PSG7: variants seen among roughly 807,000 people sequenced by gnomAD.
The protein encoded by PSG7 is pregnancy specific beta-1-glycoprotein 7.
PSG7 carries 57 observed loss-of-function variants against 45.6 expected under a neutral mutation model. The observed-to-expected ratio is 1.25, with a 90% CI of 1.01 to 1.56. The LOEUF (loss-of-function observed/expected upper bound fraction) is 1.56. Among genes scored for constraint, PSG7 ranks in the 40% most tolerant of loss-of-function variants. The pLI, the probability that PSG7 is intolerant of heterozygous loss-of-function variation, is 0.00. For synonymous variants in PSG7, 298 were observed against 194.4 expected (o/e 1.53, Z -4.43); for missense variants, 796 against 508.4 (o/e 1.57, Z -5.44).
chr19:42,930,429 C>T (rs1972995155), intron 2 of PSG7, among the ~76,000 whole-genome samples: 1 of 151,620 alleles, frequency 6.6e-6, no homozygotes, highest in Non-Finnish European at 1.5e-5. Flanking sequence ...AGGTTTGGCC[C>T]AAGACCATGT....
At chr19:42,936,132 A>G (rs931647075) in intron 1 of PSG7, 13 of 230,902 alleles carry the variant, frequency 5.6e-5, no homozygotes, top group African/African-American at 2.3e-4. Context: ...CTTTCCTGAC[A>G]CCTCCTTCAG....
At position 42,935,673 on chromosome 19, in the gene PSG7, A is replaced by C; in HGVS notation, c.161T>G (p.Leu54Arg). 1.9e-6 allele frequency: 3 copies of C among 1,612,138 alleles called. No individual in the cohort carries two copies. The highest frequency in any genetic ancestry group is 1.3e-5 in the African/African-American group (1 of 74,650). ...KVSEGKDVLL[L>R]VHNLPQNLTG... ...AAGATTCTGGGGCAAATTGTGGACAAGTAGAAGAACATCCTTCCCCTCGGA... is the reference window on the plus strand; with the variant it reads ...AAGATTCTGGGGCAAATTGTGGACACGTAGAAGAACATCCTTCCCCTCGGA... The change falls in exon 2 of 6, where the codon CTT (leucine) becomes CGT (arginine). Residue 54 changes from leucine (L) to arginine (R), a missense_variant. Physicochemically the swap from Leu to Arg is moderately radical, Grantham distance 102. Coordinates refer to ENST00000406070, the MANE Select transcript of PSG7 (RefSeq NM_002783.3).
chr19:42,929,797 G>A lies in PSG7; in HGVS notation c.431-77C>T. The A allele has an allele frequency of 1.0e-5, 16 of 1,542,490 alleles. 2 individuals carry two copies. In the South Asian group the frequency reaches 1.5e-4, roughly 15 times the overall value. ...CAAAGGCATTTTTCAATCAGAGTTG[G>A]CATTTCCAACCTCTCAGCCCACCCA... On this transcript the variant is annotated intron_variant, in intron 2 of 5. Transcript: ENST00000406070.
chr19:42,935,887 C>CACACAA, intron 1 of PSG7, 118 bp from the exon 2 acceptor site: 1 of 1,186,884 alleles, frequency 8.4e-7, no homozygotes, highest in Non-Finnish European at 1.2e-6. Flanking sequence ...CACACACACA[C>CACACAA]ACACACACAC....
chr19:42,934,020 A>C (rs896595128), intron 2 of PSG7, among the ~76,000 whole-genome samples: 3 of 151,314 alleles, frequency 2.0e-5, no homozygotes, highest in African/African-American at 7.3e-5. Context: ...TTCTGCATTC[A>C]ATTCCTTTAT....
chr19:42,926,819 A>T, intron 3 of PSG7, 103 bp from the exon 4 acceptor site: 1 of 1,533,162 alleles, frequency 6.5e-7, no homozygotes, highest in East Asian at 2.3e-5. Flanking sequence ...AACACGTGTG[A>T]GTCCTTGAAA....
chr19:42,935,873 GACACACACACACACACACAC>G, intron 1 of PSG7, 104 bp from the exon 2 acceptor site: 29 of 729,460 alleles, frequency 4.0e-5, no homozygotes, highest in African/African-American at 2.7e-4. Context: ...CAGCCTTGAA[GACACACACACACACACACAC>G]ACACACACAC....
chr19:42,926,310 C>G, intron 4 of PSG7, 128 bp downstream of exon 4: 1 of 1,527,866 alleles, frequency 6.5e-7, no homozygotes, highest in African/African-American at 1.4e-5. Flanking sequence ...ATGGCCAGCT[C>G]GGATGTCCAG....
chr19:42,928,307 T>TA (rs1488023742), intron 3 of PSG7, among the ~76,000 whole-genome samples: 5 of 151,742 alleles, frequency 3.3e-5, no homozygotes, highest in East Asian at 1.9e-4. Context: ...CAGAGTTTTC[T>TA]AATTCTGCAA....
chr19:42,932,386 G>A (rs1229900223), intron 2 of PSG7, among the ~76,000 whole-genome samples: 8 of 151,476 alleles, frequency 5.3e-5, no homozygotes, highest in Admixed American at 1.3e-4. Flanking sequence ...TGTTAGAACC[G>A]AGTGACAAAT....
chr19:42,935,915 A>ACAG (rs1568461441), intron 1 of PSG7, 146 bp from the exon 2 acceptor site: 3 of 322,648 alleles, frequency 9.3e-6, no homozygotes, highest in South Asian at 7.5e-5. Context: ...CACACACACA[A>ACAG]ACACACACAC....
At chr19:42,929,782 T>C in intron 2 of PSG7, 62 bp from the exon 3 acceptor site, 6 of 1,563,024 alleles carry the variant, frequency 3.8e-6, no homozygotes, top group Non-Finnish European at 5.2e-6. Flanking sequence ...CAAAGGCATT[T>C]TTCAATCAGA....
intron 2 of PSG7, among the ~76,000 whole-genome samples, chr19:42,932,305 A>T (rs1167236235): frequency 1.3e-5 from 2 of 151,536 alleles, no homozygotes; most frequent in Non-Finnish European, 2.9e-5. Context: ...GGTGTGAGCC[A>T]CTGTGCCCAG....
intron 3 of PSG7, 182 bp from the exon 4 acceptor site, chr19:42,926,898 A>T (rs145596119): frequency 6.0e-6 from 7 of 1,175,052 alleles, no homozygotes; most frequent in Non-Finnish European, 7.1e-6. Context: ...CTGTGAGGCC[A>T]CCTGCTCAGT....
intron 2 of PSG7, among the ~76,000 whole-genome samples, chr19:42,933,900 G>C (rs983746828): frequency 1.3e-5 from 2 of 151,568 alleles, no homozygotes; most frequent in Admixed American, 6.6e-5. Context: ...AGGTAGTGGG[G>C]TGATGAAACA....
Position 42,935,675 on chromosome 19 carries a change from T to C in PSG7, c.159A>G (p.Leu53=), listed in dbSNP as rs571294764. 51 of 1,611,980 alleles carry C rather than the reference T, an allele frequency of 3.2e-5. 2 individuals carry two copies. Among genetic ancestry groups the C allele is most frequent in the Non-Finnish European group, 4.2e-5 (50 of 1,179,120 alleles). Residue 53 remains leucine (L), a synonymous_variant, in exon 2 of 6, where the codon CTA becomes CTG. Transcript: ENST00000406070. ...PKVSEGKDVL[L]LVHNLPQNLT... Reference sequence around the variant, plus strand: ...GATTCTGGGGCAAATTGTGGACAAGTAGAAGAACATCCTTCCCCTCGGAAA... The same window carrying C: ...GATTCTGGGGCAAATTGTGGACAAGCAGAAGAACATCCTTCCCCTCGGAAA...
chr19:42,933,301 A>ATTTTTTTT (rs1439847468), intron 2 of PSG7, among the ~76,000 whole-genome samples: 7 of 14,646 alleles, frequency 4.8e-4, no homozygotes, highest in African/African-American at 1.3e-3. Context: ...ATATATATAT[A>ATTTTTTTT]TATATATTTT....
At chr19:42,936,992 C>T in intron 1 of PSG7, 21 bp downstream of exon 1, 1 of 1,609,854 alleles carries the variant, frequency 6.2e-7, no homozygotes, top group Non-Finnish European at 8.5e-7. Flanking sequence ...CCTGTCCTCT[C>T]CCAGGAAGTT....
In PSG7 at chr19:42,929,629, T is replaced by C. The variant is rs755812113; in HGVS notation, c.522A>G (p.Pro174=). 8.7e-6 allele frequency: 14 copies of C among 1,612,440 alleles called. No individual in the cohort carries two copies. Among genetic ancestry groups the C allele is most frequent in the African/African-American group, 5.4e-5 (4 of 74,650 alleles). ...AVILTCDPET[P]DASYLWWMNG... ...TCATCCACCACAGGTAGCTTGCATC[T>C]GGAGTCTCAGGATCACAGGTTAAAA... Residue 174 remains proline (P), a synonymous_variant, in exon 3 of 6, where the codon CCA becomes CCG. Transcript: ENST00000406070.
Sources: allele counts gnomAD v4.1 joint callset (sites outside exome capture counted in the v4.1 genomes callset), GRCh38; gene constraint gnomAD v4.1.1; transcripts MANE v1.5; gene names NCBI Gene and HGNC (gene_info 2026-07-23, HGNC 2026-07-21).